MARCHF1: variants seen among roughly 807,000 people sequenced by gnomAD.
MARCHF1 encodes E3 ubiquitin-protein ligase MARCHF1.
A neutral mutation model predicts 54.2 loss-of-function variants in MARCHF1; 40 were observed. The ratio of observed to expected loss-of-function variants is 0.74; its 90% CI spans 0.57 to 0.96. The LOEUF is 0.96. MARCHF1 is among the 40% of genes least tolerant of loss of function. The pLI, the probability that MARCHF1 is intolerant of heterozygous loss-of-function variation, is 0.00. For missense variants in MARCHF1, 586 were observed against 656.5 expected (o/e 0.89, Z 1.17); for synonymous variants, 236 against 236.3 (o/e 1.00, Z 0.01).
chr4:163,800,635 T>C (rs1380227001), intron 4 of MARCHF1, among the ~76,000 whole-genome samples: 1 of 152,070 alleles, frequency 6.6e-6, no homozygotes, highest in Non-Finnish European at 1.5e-5. Flanking sequence ...ATATTTGACT[T>C]CCTTTTCACT....
At chr4:163,994,311 G>T (rs994655376) in intron 2 of MARCHF1, among the ~76,000 whole-genome samples, 7 of 132,850 alleles carry the variant, frequency 5.3e-5, no homozygotes, top group Admixed American at 8.2e-5. Flanking sequence ...TGAGTGTGGT[G>T]GGGAGGAAGC....
intron 3 of MARCHF1, among the ~76,000 whole-genome samples, chr4:163,914,742 C>T (rs183471765): frequency 5.3e-5 from 8 of 152,224 alleles, no homozygotes; most frequent in African/African-American, 1.4e-4. Context: ...TGATAAGTGT[C>T]TAAAGCTCAC....
intron 8 of MARCHF1, among the ~76,000 whole-genome samples, chr4:163,568,440 G>A (rs1485888057): frequency 1.3e-5 from 2 of 152,072 alleles, no homozygotes; most frequent in Non-Finnish European, 2.9e-5. Flanking sequence ...CAGAAATTTG[G>A]ATGAGGAGAC....
At chr4:164,296,069 A>G (rs1197486153) in intron 1 of MARCHF1, among the ~76,000 whole-genome samples, 2 of 152,212 alleles carry the variant, frequency 1.3e-5, no homozygotes, top group Non-Finnish European at 2.9e-5. Context: ...TTATTTCTGT[A>G]TAGATTCTCA....
At chr4:163,886,341 ATAG>A (rs1247287781) in intron 3 of MARCHF1, among the ~76,000 whole-genome samples, 67 of 148,880 alleles carry the variant, frequency 4.5e-4, no homozygotes, top group Non-Finnish European at 7.4e-4. Flanking sequence ...AGATAGATAG[ATAG>A]ATAGATATAG....
At chr4:163,947,071 A>G (rs1448325736) in intron 3 of MARCHF1, among the ~76,000 whole-genome samples, 1 of 152,210 alleles carries the variant, frequency 6.6e-6, no homozygotes, top group Non-Finnish European at 1.5e-5. Flanking sequence ...AATTATTTGA[A>G]TATTTTTGAC....
chr4:164,172,773 C>A (rs56207251), intron 1 of MARCHF1, among the ~76,000 whole-genome samples: 28,727 of 151,882 alleles, frequency 0.19, 4,374 homozygotes, highest in African/African-American at 0.41. Context: ...GTCAGGAGAC[C>A]GAGACCATCC....
chr4:163,821,905 T>C (rs1009320871), intron 4 of MARCHF1, among the ~76,000 whole-genome samples: 3 of 151,500 alleles, frequency 2.0e-5, no homozygotes, highest in African/African-American at 7.3e-5. Context: ...CAAACTCTTT[T>C]GACAAAAAAA....
intron 9 of MARCHF1, among the ~76,000 whole-genome samples, chr4:163,533,828 T>C (rs13114202): frequency 6.6e-6 from 1 of 151,400 alleles, no homozygotes; most frequent in African/African-American, 2.4e-5. Context: ...TGGTAATGTA[T>C]GCATGATATA....
intron 4 of MARCHF1, among the ~76,000 whole-genome samples, chr4:163,729,462 T>C (rs1441000076): frequency 6.6e-6 from 1 of 152,118 alleles, no homozygotes; most frequent in African/African-American, 2.4e-5. Context: ...ATCTAATAGA[T>C]ATAAGCCTAC....
At chr4:163,554,383 G>C (rs1739215924) in intron 8 of MARCHF1, among the ~76,000 whole-genome samples, 1 of 152,168 alleles carries the variant, frequency 6.6e-6, no homozygotes, top group Non-Finnish European at 1.5e-5. Flanking sequence ...AGAGGCCAAG[G>C]GAACATAGAA....
At chr4:163,834,232 A>T (rs1268509639) in intron 4 of MARCHF1, among the ~76,000 whole-genome samples, 1 of 152,020 alleles carries the variant, frequency 6.6e-6, no homozygotes, top group Non-Finnish European at 1.5e-5. Context: ...TGAAGTTGTA[A>T]CTTTAGGAGA....
rs893362118 is a variant in MARCHF1 at position 163,745,491 on chromosome 4, T to C, written c.112-44628A>G. ...ATACAAATACACAAGGGAAGAGCTC[T>C]GAATGAGGTCATCATGCTGGAGGAG... On this transcript the variant is annotated intron_variant, in intron 4 of 9. Transcript: ENST00000514618. 4.6e-5 allele frequency among the ~76,000 whole-genome samples: 7 copies of C among 152,142 alleles called. No individual in the cohort carries two copies. In the East Asian group the frequency reaches 1.2e-3, roughly 25 times the overall value.
At chr4:163,707,786 TA>T (rs777522371) in intron 4 of MARCHF1, among the ~76,000 whole-genome samples, 3,484 of 65,924 alleles carry the variant, frequency 0.053, 56 homozygotes, top group African/African-American at 0.097. Context: ...TGTTTTGAAC[TA>T]AAAAAAAAAA....
At chr4:164,173,852 G>T (rs190038652) in intron 1 of MARCHF1, among the ~76,000 whole-genome samples, 1 of 152,248 alleles carries the variant, frequency 6.6e-6, no homozygotes, top group Admixed American at 6.5e-5. Context: ...AGATTACTCA[G>T]CCTCAGGTAT....
rs1742251796 is a variant in MARCHF1, at chr4:163,634,778, A to G, written c.163-21385T>C. 2.1e-5 allele frequency among the ~76,000 whole-genome samples: 3 copies of G among 143,382 alleles called. No homozygotes were observed. The East Asian group carries it at 6.8e-4, about 33-fold the overall frequency. 94.1% of individuals were successfully genotyped at this position (143,382 alleles called of 152,430 possible). On this transcript the variant is annotated intron_variant, in intron 5 of 9. Transcript: ENST00000514618. ...GACATCTACAGAAGTCTCCACCCCAAATCAACAGAATATACATTTTTTTCA... is the reference window on the plus strand; with the variant it reads ...GACATCTACAGAAGTCTCCACCCCAGATCAACAGAATATACATTTTTTTCA...
intron 3 of MARCHF1, among the ~76,000 whole-genome samples, chr4:163,866,634 C>G (rs1474830342): frequency 1.3e-5 from 2 of 151,278 alleles, no homozygotes; most frequent in African/African-American, 4.8e-5. Flanking sequence ...GGGCAAAATT[C>G]TCACCTTCAC....
At chr4:164,263,054 G>C (rs1021469475) in intron 1 of MARCHF1, among the ~76,000 whole-genome samples, 1 of 152,158 alleles carries the variant, frequency 6.6e-6, no homozygotes, top group African/African-American at 2.4e-5. Flanking sequence ...ATACGTAAGA[G>C]TGCCTGAGGG....
intron 1 of MARCHF1, among the ~76,000 whole-genome samples, chr4:164,237,115 T>G (rs998680508): frequency 1.3e-5 from 2 of 152,196 alleles, no homozygotes; most frequent in African/African-American, 4.8e-5. Flanking sequence ...TGTCTTTAAG[T>G]ATCATTCATT....
Sources: gnomAD v4.1 joint callset for allele counts (sites outside exome capture counted in the v4.1 genomes callset) on GRCh38, gnomAD v4.1.1 for gene constraint, MANE v1.5 for transcripts, NCBI Gene and HGNC (gene_info 2026-07-23, HGNC 2026-07-21) for gene names.